SIRT5: variants seen among roughly 807,000 people sequenced by gnomAD.
The protein encoded by SIRT5 is sirtuin 5, also known as NAD-dependent protein deacylase sirtuin-5, mitochondrial.
SIRT5 carries 26 observed loss-of-function variants against 40.0 expected under a neutral mutation model. The observed-to-expected ratio is 0.65, with a 90% CI of 0.48 to 0.90. The LOEUF is 0.90. Ranked by LOEUF, SIRT5 falls within the 40% of genes least tolerant of loss-of-function variation. The pLI is 0.00. For synonymous variants in SIRT5, 146 were observed against 149.1 expected (o/e 0.98, Z 0.15); for missense variants, 401 against 402.4 (o/e 1.00, Z 0.03).
rs980189906 is a variant in SIRT5, at chr6:13,613,372, C to T, written c.*1507C>T. On this transcript the variant is annotated 3_prime_UTR_variant, in exon 10 of 10. Coordinates refer to ENST00000606117, the MANE Select transcript of SIRT5 (RefSeq NM_012241.5). ...ACCAGCTAACTCAGTGCTTAGGGGC[C>T]TTGGAATGCCTGCTGTCCAGCAGGT... The T allele has an allele frequency of 6.6e-6, 1 of 152,236 alleles. No individual in the cohort carries two copies. Among genetic ancestry groups the T allele is most frequent in the Non-Finnish European group, 1.5e-5 (1 of 68,062 alleles). 9.4% of individuals were successfully genotyped at this position (152,236 alleles called of 1,614,324 possible).
chr6:13,585,914 G>A (rs1342554198), intron 3 of SIRT5, among the ~76,000 whole-genome samples: 5 of 152,294 alleles, frequency 3.3e-5, no homozygotes, highest in Admixed American at 3.3e-4. Flanking sequence ...GTTGTTTCCT[G>A]ACTTTTTAAT....
Position 13,580,898 on chromosome 6 carries a change from T to C in SIRT5, c.-36+1289T>C, listed in dbSNP as rs186108815. Among the ~76,000 whole-genome samples, 440 of 152,330 alleles carry C rather than the reference T, an allele frequency of 2.9e-3. 6 individuals are homozygous for C. Among genetic ancestry groups the C allele is most frequent in the Non-Finnish European group, 1.0e-3 (68 of 68,026 alleles). ...CTGGTCTCGAACTCCTGGGCTCAAG[T>C]GATCCTCCTGCCTCAGCCTCCCAAA... is the stretch of plus-strand genomic sequence containing the variant. On this transcript the variant is annotated intron_variant, in intron 2 of 9. Transcript: ENST00000606117.
At chr6:13,599,233 C>T in intron 8 of SIRT5, 78 bp downstream of exon 8, 1 of 1,466,568 alleles carries the variant, frequency 6.8e-7, no homozygotes, top group East Asian at 2.4e-5. Context: ...TCTTTTCCTT[C>T]CTCCCTCCCT....
At chr6:13,579,172 A>G (rs1013339817) in intron 1 of SIRT5, among the ~76,000 whole-genome samples, 6 of 152,234 alleles carry the variant, frequency 3.9e-5, no homozygotes, top group African/African-American at 1.4e-4. Flanking sequence ...GTTGGCACAA[A>G]GGATGTTTTC....
rs567559391 is a variant in SIRT5, at chr6:13,594,063, A to G, written c.476-1414A>G. 2.0e-5 allele frequency among the ~76,000 whole-genome samples: 3 copies of G among 152,320 alleles called. No individual in the cohort carries two copies. In the South Asian group the frequency reaches 6.2e-4, roughly 32 times the overall value. On this transcript the variant is annotated intron_variant, in intron 5 of 9. Transcript: ENST00000606117. ...GCCTGACATGTTCTTACCAAAAGGC[A>G]TCAGTGGAAAGGCTGTAGACAACAG... is the stretch of plus-strand genomic sequence containing the variant.
chr6:13,611,966 A>G lies in SIRT5; in HGVS notation c.*101A>G. ...GGTGAGCTGAGTACTGAACAATCTAAAAATAGCCTCTGATTCCCTCGCTGG... is the reference window on the plus strand; with the variant it reads ...GGTGAGCTGAGTACTGAACAATCTAGAAATAGCCTCTGATTCCCTCGCTGG... On this transcript the variant is annotated 3_prime_UTR_variant, in exon 10 of 10. Coordinates refer to ENST00000606117, the MANE Select transcript of SIRT5 (RefSeq NM_012241.5). The G allele has an allele frequency of 2.7e-6, 3 of 1,102,364 alleles. No homozygotes were observed. The South Asian group carries it at 4.6e-5, about 17-fold the overall frequency. The allele number at this position is 1,102,364 out of a possible 1,614,324, so 68.3% of individuals were successfully genotyped here.
At chr6:13,611,712 A>G (rs1763958955) in intron 9 of SIRT5, 78 bp from the exon 10 acceptor site, 7 of 1,043,558 alleles carry the variant, frequency 6.7e-6, no homozygotes, top group African/African-American at 1.6e-5. Flanking sequence ...TACTTCAGAA[A>G]TAAGTGCTTG....
chr6:13,594,029 C>T (rs1346538955), intron 5 of SIRT5, among the ~76,000 whole-genome samples: 1 of 152,088 alleles, frequency 6.6e-6, no homozygotes, highest in Non-Finnish European at 1.5e-5. Flanking sequence ...TCCGCAAGTT[C>T]GCTATTGGGC....
intron 5 of SIRT5, among the ~76,000 whole-genome samples, chr6:13,592,969 A>G (rs1359670319): frequency 2.1e-5 from 3 of 142,832 alleles, no homozygotes; most frequent in Non-Finnish European, 4.5e-5. Context: ...GCTGGGGTGC[A>G]GTAGCCTGAT....
In SIRT5 at chr6:13,600,961, C is replaced by A. The variant is rs202097719; in HGVS notation, c.857+12C>A. ...ACGAACAGATTCAGGTACTGGGATA[C>A]CCTGATGGGAGAGGGAGATGTGGGA... is the stretch of plus-strand genomic sequence containing the variant. On this transcript the variant is annotated intron_variant, in intron 9 of 9. Coordinates refer to ENST00000606117, the MANE Select transcript of SIRT5 (RefSeq NM_012241.5). 114 of 1,594,562 alleles carry A rather than the reference C, an allele frequency of 7.1e-5. No individual in the cohort carries two copies. Among genetic ancestry groups the A allele is most frequent in the Non-Finnish European group, 9.1e-5 (106 of 1,162,654 alleles).
intron 3 of SIRT5, 130 bp from the exon 4 acceptor site, chr6:13,588,201 T>C: frequency 8.4e-7 from 1 of 1,196,726 alleles, no homozygotes; most frequent in Non-Finnish European, 1.2e-6. Context: ...GTTTTCATGG[T>C]ACAGGAATGA....
At chr6:13,608,585 T>TAA (rs751373309) in intron 9 of SIRT5, among the ~76,000 whole-genome samples, 8 of 137,666 alleles carry the variant, frequency 5.8e-5, no homozygotes, top group African/African-American at 1.6e-4. Flanking sequence ...GACTCTGTCT[T>TAA]AAAAAAAAAA....
In SIRT5 at chr6:13,584,120, C is replaced by T. The variant is rs1275975314; in HGVS notation, c.10C>T (p.Leu4Phe). 6.2e-7 allele frequency: 1 copy of T among 1,614,080 alleles called. No individual in the cohort carries two copies. The highest frequency in any genetic ancestry group is 1.7e-5 in the Admixed American group (1 of 60,028). MRP[L>F]QIVPSRLISQ... ...CTACAGACAAACCCTGATGCGACCT[C>T]TCCAGATTGTCCCAAGTCGATTGAT... Residue 4 changes from leucine to phenylalanine, a missense_variant, in exon 3 of 10, where the codon CTC becomes TTC. Leu to Phe is a conservative substitution (Grantham distance 22). Transcript: ENST00000606117.
chr6:13,597,024 GA>G lies in SIRT5; in HGVS notation c.617+12del. 6.2e-7 allele frequency: 1 copy of G among 1,604,324 alleles called. No homozygotes were observed. The highest frequency in any genetic ancestry group is 8.5e-7 in the Non-Finnish European group (1 of 1,174,986). On this transcript the variant is annotated intron_variant, in intron 7 of 9. Transcript: ENST00000606117. The stretch of plus-strand genomic sequence containing the variant: ...AGTTGAGAAACTTCCCCGGTAGGTA[GA>G]AAACTCTGATTTGTACTGGTGTTCC...
intron 2 of SIRT5, among the ~76,000 whole-genome samples, chr6:13,582,698 A>G (rs1030470801): frequency 1.3e-5 from 2 of 148,158 alleles, no homozygotes; most frequent in African/African-American, 5.0e-5. Context: ...TTCTGCCCCC[A>G]CAGTTTTGTT....
intron 8 of SIRT5, among the ~76,000 whole-genome samples, chr6:13,599,480 TTTAA>T (rs1762079851): frequency 6.6e-6 from 1 of 152,222 alleles, no homozygotes. Context: ...TATGATTAAA[TTTAA>T]TTGAGAACAT....
intron 2 of SIRT5, among the ~76,000 whole-genome samples, chr6:13,580,420 T>C (rs530328559): frequency 1.1e-4 from 17 of 152,210 alleles, no homozygotes; most frequent in Non-Finnish European, 2.1e-4. Context: ...TAATTTTACG[T>C]TGCTCTAAAA....
At chr6:13,578,616 C>CAA (rs60663066) in intron 1 of SIRT5, among the ~76,000 whole-genome samples, 50 of 36,540 alleles carry the variant, frequency 1.4e-3, no homozygotes, top group African/African-American at 1.9e-3. Flanking sequence ...GACTCCATCT[C>CAA]AAAAAAAAAA....
chr6:13,575,157 GC>G (rs1389551776), intron 1 of SIRT5, among the ~76,000 whole-genome samples: 1 of 152,176 alleles, frequency 6.6e-6, no homozygotes, highest in Admixed American at 6.5e-5. Context: ...GCTCAGGCTT[GC>G]CCGCGTGGAG....
Sources: gnomAD v4.1 joint callset for allele counts (sites outside exome capture counted in the v4.1 genomes callset) on GRCh38, gnomAD v4.1.1 for gene constraint, MANE v1.5 for transcripts, NCBI Gene and HGNC (gene_info 2026-07-23, HGNC 2026-07-21) for gene names.